Variants in CTNNA3 observed in about 807,000 individuals in gnomAD.
CTNNA3 encodes the protein catenin alpha-3.
CTNNA3 carries 76 observed loss-of-function variants against 95.7 expected under a neutral mutation model. The observed-to-expected ratio is 0.79, with a 90% confidence interval of 0.66 to 0.96. CTNNA3 has a LOEUF of 0.96. Ranked by LOEUF, CTNNA3 falls within the 40% of genes least tolerant of loss-of-function variation. The pLI, the probability that CTNNA3 is intolerant of heterozygous loss-of-function variation, is 0.00. For missense variants in CTNNA3, 1,191 were observed against 1,089.8 expected, an observed-to-expected ratio of 1.09 and a Z score of -1.31; for synonymous variants, 431 against 374.4, an observed-to-expected ratio of 1.15 and a Z score of -1.74.
intron 7 of CTNNA3, among the ~76,000 whole-genome samples, chr10:67,115,076 C>T (rs1361067850): frequency 6.6e-6 from 1 of 152,084 alleles, no homozygotes; most frequent in African/African-American, 2.4e-5. Flanking sequence ...GATCATATCT[C>T]TTGGAGCCAC....
At chr10:67,273,237 G>A (rs1394916847) in intron 5 of CTNNA3, among the ~76,000 whole-genome samples, 2 of 151,578 alleles carry the variant, frequency 1.3e-5, no homozygotes, top group Admixed American at 6.6e-5. Context: ...ATAGAAAGCG[G>A]GAAAAGATAA....
intron 7 of CTNNA3, among the ~76,000 whole-genome samples, chr10:66,958,295 A>G (rs1028130989): frequency 9.4e-6 from 1 of 106,144 alleles, no homozygotes. Flanking sequence ...TTTTTCCTCC[A>G]CCTGCTTTCT....
rs185974289 is a variant in CTNNA3 at position 67,446,879 on chromosome 10, G to T, written c.579+74963C>A. 3.5e-3 allele frequency among the ~76,000 whole-genome samples: 532 copies of T among 152,306 alleles called. 2 individuals carry two copies. Among genetic ancestry groups the T allele is most frequent in the Middle Eastern group, 0.027 (8 of 294 alleles). On this transcript the variant is annotated intron_variant, in intron 5 of 17. Coordinates refer to ENST00000433211, the MANE Select transcript of CTNNA3 (RefSeq NM_013266.4). ...CCAGCACTTTGGGAGACCAAGGAGG[G>T]TGGATGATGAGGTCAGGAGATCGAG...
chr10:66,477,906 G>A (rs1839383559), intron 11 of CTNNA3, among the ~76,000 whole-genome samples: 1 of 151,986 alleles, frequency 6.6e-6, no homozygotes, highest in South Asian at 2.1e-4. Context: ...CTCATATCTT[G>A]CCTTAACTTC....
intron 9 of CTNNA3, among the ~76,000 whole-genome samples, chr10:66,720,208 GAAGA>G (rs2132633327): frequency 6.6e-6 from 1 of 152,186 alleles, no homozygotes; most frequent in South Asian, 2.1e-4. Flanking sequence ...AAAGAGAGAA[GAAGA>G]GAGAAAAGAG....
chr10:67,253,021 C>T lies in CTNNA3; in HGVS notation c.580-33151G>A, dbSNP rs571792047. On this transcript the variant is annotated intron_variant, in intron 5 of 17. Coordinates refer to ENST00000433211, the MANE Select transcript of CTNNA3 (RefSeq NM_013266.4). ...ACCTCAGCATACAATTATTTTTTTC[C>T]TTACTAATTCAAGAAATTTCAATTT... 2.2e-4 allele frequency among the ~76,000 whole-genome samples: 33 copies of T among 152,074 alleles called. No homozygotes were observed. In the South Asian group the frequency reaches 6.8e-3, roughly 32 times the overall value.
chr10:66,934,757 GT>G (rs552816862), intron 7 of CTNNA3, among the ~76,000 whole-genome samples: 2 of 152,082 alleles, frequency 1.3e-5, no homozygotes, highest in Non-Finnish European at 2.9e-5. Flanking sequence ...GTAAAATATA[GT>G]TTTTTTGGCC....
intron 1 of CTNNA3, among the ~76,000 whole-genome samples, chr10:67,655,316 A>G (rs1325400574): frequency 6.6e-6 from 1 of 152,258 alleles, no homozygotes; most frequent in Non-Finnish European, 1.5e-5. Flanking sequence ...TTAGTTAAAT[A>G]TAAAAGAGAA....
chr10:66,657,089 C>A (rs1248658223), intron 9 of CTNNA3, among the ~76,000 whole-genome samples: 1 of 152,052 alleles, frequency 6.6e-6, no homozygotes, highest in Non-Finnish European at 1.5e-5. Context: ...TTTATTTTCT[C>A]TCTCTCTTAA....
intron 5 of CTNNA3, among the ~76,000 whole-genome samples, chr10:67,379,282 G>GC (rs1045619371): frequency 5.3e-5 from 8 of 152,160 alleles, no homozygotes; most frequent in African/African-American, 1.2e-4. Flanking sequence ...TTCAGCTCTA[G>GC]CCCCCCGCTT....
chr10:66,695,917 G>GC (rs71035168), intron 9 of CTNNA3, among the ~76,000 whole-genome samples: 2 of 4,096 alleles, frequency 4.9e-4, no homozygotes, highest in Admixed American at 4.3e-3. Context: ...AGAGACGTAA[G>GC]GGGGGGGGGC....
At chr10:67,682,637 T>C (rs1840649608) in intron 1 of CTNNA3, among the ~76,000 whole-genome samples, 1 of 152,212 alleles carries the variant, frequency 6.6e-6, no homozygotes, top group Admixed American at 6.5e-5. Flanking sequence ...TTATAAATTA[T>C]GTGTACTCTT....
At chr10:66,286,371 A>AT (rs1193492698) in intron 12 of CTNNA3, among the ~76,000 whole-genome samples, 6 of 151,910 alleles carry the variant, frequency 3.9e-5, no homozygotes, top group Admixed American at 6.6e-5. Flanking sequence ...GATTACTTTG[A>AT]TTTTTTAAAA....
rs367890766 is a variant in CTNNA3, at chr10:67,724,178, G to C, written c.-2+39256C>G. Among the ~76,000 whole-genome samples, 4 of 152,102 alleles carry C rather than the reference G, an allele frequency of 2.6e-5. 1 individual carries two copies. Among genetic ancestry groups the C allele is most frequent in the Admixed American group, 2.0e-4 (3 of 15,260 alleles). On this transcript the variant is annotated intron_variant, in intron 1 of 17. Coordinates refer to the CTNNA3 transcript ENST00000684154. ...TGTTACCACCCAGATGAACTACCTAGAGTTGTTCTCTCTGGCTCTTGCTTT... is the reference window on the plus strand; with the variant it reads ...TGTTACCACCCAGATGAACTACCTACAGTTGTTCTCTCTGGCTCTTGCTTT...
chr10:66,124,232 A>G (rs758850957), intron 13 of CTNNA3, among the ~76,000 whole-genome samples: 3 of 152,148 alleles, frequency 2.0e-5, no homozygotes, highest in Non-Finnish European at 2.9e-5. Flanking sequence ...ATGTCTCTAA[A>G]GTTCAAAGTT....
At chr10:66,990,829 G>C (rs1850999811) in intron 7 of CTNNA3, among the ~76,000 whole-genome samples, 1 of 152,066 alleles carries the variant, frequency 6.6e-6, no homozygotes, top group Non-Finnish European at 1.5e-5. Flanking sequence ...TCCTATTCAA[G>C]GAAGTAAAAT....
intron 1 of CTNNA3, among the ~76,000 whole-genome samples, chr10:67,668,832 C>CTTTTTTT (rs869150567): frequency 1.3e-4 from 12 of 90,102 alleles, no homozygotes; most frequent in South Asian, 4.0e-4. Context: ...TACTGTGTTT[C>CTTTTTTT]TTTTTTTTTT....
At chr10:67,266,539 C>T (rs1866833767) in intron 5 of CTNNA3, among the ~76,000 whole-genome samples, 1 of 152,004 alleles carries the variant, frequency 6.6e-6, no homozygotes, top group African/African-American at 2.4e-5. Flanking sequence ...CTATTGATAT[C>T]ATCTAATATT....
At chr10:66,519,907 C>T (rs540602348) in intron 11 of CTNNA3, among the ~76,000 whole-genome samples, 9 of 152,086 alleles carry the variant, frequency 5.9e-5, no homozygotes, top group East Asian at 1.9e-4. Context: ...CATTTCAAAT[C>T]GATGATGTTT....
Sources: allele counts gnomAD v4.1 joint callset (sites outside exome capture counted in the v4.1 genomes callset), GRCh38; gene constraint gnomAD v4.1.1; transcripts MANE v1.5; gene names NCBI Gene and HGNC (gene_info 2026-07-23, HGNC 2026-07-21).